The following UBE3D variants were observed in gnomAD, a reference collection of about 807,000 sequenced individuals.
UBE3D encodes the protein ubiquitin protein ligase E3D, also known as E3 ubiquitin-protein ligase E3D.
Under a neutral mutation model 49.6 loss-of-function variants are expected in UBE3D, and 48 were observed. The ratio of observed to expected loss-of-function variants is 0.97; its 90% CI spans 0.77 to 1.23. The LOEUF is 1.23. Among genes scored for constraint, UBE3D ranks in the 50% most tolerant of loss-of-function variants. UBE3D has a pLI of 0.00. For synonymous variants in UBE3D, 189 were observed against 174.2 expected (o/e 1.08, Z -0.67); for missense variants, 452 against 468.4 (o/e 0.96, Z 0.32).
intron 5 of UBE3D, among the ~76,000 whole-genome samples, chr6:83,026,258 A>T (rs1562200674): frequency 6.6e-6 from 1 of 152,032 alleles, no homozygotes. Context: ...ACCATTCTGG[A>T]CAACAAAGTG....
Position 83,035,128 on chromosome 6 carries a change from C to T in UBE3D, c.667+3288G>A, listed in dbSNP as rs190722547. The stretch of plus-strand genomic sequence containing the variant: ...CCCGGGAGGTTGAGGCTGCCATGAG[C>T]CATGATCACACCACTGCACTCCAGC... On this transcript the variant is annotated intron_variant, in intron 5 of 9. Transcript: ENST00000369747. 5.1e-3 allele frequency among the ~76,000 whole-genome samples: 773 copies of T among 151,616 alleles called. 7 individuals carry two copies. Among genetic ancestry groups the T allele is most frequent in the African/African-American group, 0.018 (730 of 41,270 alleles).
At chr6:82,999,343 C>G (rs1779460342) in intron 8 of UBE3D, among the ~76,000 whole-genome samples, 1 of 152,086 alleles carries the variant, frequency 6.6e-6, no homozygotes, top group African/African-American at 2.4e-5. Context: ...GTCATACCTT[C>G]TTTCTCATGT....
intron 8 of UBE3D, among the ~76,000 whole-genome samples, chr6:83,000,907 C>T (rs1056004049): frequency 5.3e-5 from 8 of 150,254 alleles, no homozygotes; most frequent in South Asian, 2.1e-4. Context: ...TGCAATGGGG[C>T]GCTCTCGGCT....
At chr6:82,916,090 A>T (rs1030534296) in intron 9 of UBE3D, among the ~76,000 whole-genome samples, 2 of 152,208 alleles carry the variant, frequency 1.3e-5, no homozygotes, top group African/African-American at 4.8e-5. Context: ...CTTGTCATAT[A>T]TTCATTGACT....
intron 9 of UBE3D, among the ~76,000 whole-genome samples, chr6:82,945,795 T>A (rs188176755): frequency 1.3e-3 from 194 of 152,258 alleles, no homozygotes; most frequent in African/African-American, 4.5e-3. Flanking sequence ...CAGAATGTTA[T>A]CAGATAAATT....
At chr6:82,945,912 G>A (rs1007611303) in intron 9 of UBE3D, among the ~76,000 whole-genome samples, 3 of 152,162 alleles carry the variant, frequency 2.0e-5, no homozygotes, top group Admixed American at 2.0e-4. Flanking sequence ...TAGGAGAATT[G>A]ATTAAGCAGA....
intron 9 of UBE3D, among the ~76,000 whole-genome samples, chr6:82,942,358 T>G (rs1775076592): frequency 6.6e-6 from 1 of 152,140 alleles, no homozygotes; most frequent in African/African-American, 2.4e-5. Context: ...CCTGACAATG[T>G]GATGGAAAAC....
At chr6:82,918,411 TCTAAAGTC>T (rs1296604574) in intron 9 of UBE3D, among the ~76,000 whole-genome samples, 3 of 152,176 alleles carry the variant, frequency 2.0e-5, no homozygotes, top group Non-Finnish European at 4.4e-5. Flanking sequence ...GTACAAGGTT[TCTAAAGTC>T]ATTTTACAAA....
intron 9 of UBE3D, among the ~76,000 whole-genome samples, chr6:82,955,523 T>C (rs1562119011): frequency 1.3e-5 from 2 of 152,246 alleles, no homozygotes; most frequent in Non-Finnish European, 2.9e-5. Context: ...TCTCCCTCCA[T>C]GAACATTTGT....
Position 82,893,055 on chromosome 6 carries a change from GA to G in UBE3D, c.1150-14del. On this transcript the variant is annotated splice_polypyrimidine_tract_variant and intron_variant, in intron 9 of 9. Coordinates refer to ENST00000369747, the MANE Select transcript of UBE3D (RefSeq NM_198920.3). ...TCAAAAAGGCCACCTGGAGAAGGAA[GA>G]AAAACCCACAATGCTTTACTTCTAT... 6.2e-7 allele frequency: 1 copy of G among 1,613,332 alleles called. No homozygotes were observed. The highest frequency in any genetic ancestry group is 8.5e-7 in the Non-Finnish European group (1 of 1,179,704).
chr6:83,045,779 A>T (rs1387966535), intron 3 of UBE3D, among the ~76,000 whole-genome samples: 1 of 152,200 alleles, frequency 6.6e-6, no homozygotes, highest in African/African-American at 2.4e-5. Context: ...TGTCAAAACT[A>T]CACACTTTGA....
intron 3 of UBE3D, among the ~76,000 whole-genome samples, chr6:83,045,109 A>G (rs545313188): frequency 6.6e-6 from 1 of 152,314 alleles, no homozygotes; most frequent in Non-Finnish European, 1.5e-5. Flanking sequence ...TTCATTATCA[A>G]TAACTCTGTG....
intron 9 of UBE3D, chr6:82,938,094 T>C (rs930955043): frequency 6.6e-6 from 1 of 152,194 alleles, no homozygotes; most frequent in South Asian, 2.1e-4. Flanking sequence ...TCTATAACAT[T>C]TAAGGAATAC....
chr6:83,001,601 T>C (rs1164646229), intron 8 of UBE3D, among the ~76,000 whole-genome samples: 1 of 152,186 alleles, frequency 6.6e-6, no homozygotes. Flanking sequence ...CAATATCTTC[T>C]TACAGGCAAT....
intron 9 of UBE3D, among the ~76,000 whole-genome samples, chr6:82,917,957 C>T (rs188012687): frequency 1.4e-4 from 21 of 152,304 alleles, no homozygotes; most frequent in African/African-American, 4.8e-4. Flanking sequence ...TTCTTAAACT[C>T]TACTTCCTTT....
intron 6 of UBE3D, among the ~76,000 whole-genome samples, chr6:83,023,295 T>C (rs986754298): frequency 1.3e-5 from 2 of 152,194 alleles, no homozygotes; most frequent in Non-Finnish European, 2.9e-5. Context: ...ATCTGGCACA[T>C]AGAAATAAGC....
chr6:83,027,490 T>C (rs1037612367), intron 5 of UBE3D, among the ~76,000 whole-genome samples: 3 of 140,032 alleles, frequency 2.1e-5, no homozygotes, highest in African/African-American at 5.3e-5. Context: ...TTAACCTAGA[T>C]TAACCTAGTT....
intron 5 of UBE3D, among the ~76,000 whole-genome samples, chr6:83,029,686 G>A (rs1215233281): frequency 6.6e-6 from 1 of 152,116 alleles, no homozygotes; most frequent in Non-Finnish European, 1.5e-5. Context: ...GCAATATGTT[G>A]TAGCAACTGT....
intron 9 of UBE3D, among the ~76,000 whole-genome samples, chr6:82,927,496 T>A (rs1443841559): frequency 6.6e-6 from 1 of 152,100 alleles, no homozygotes; most frequent in Non-Finnish European, 1.5e-5. Flanking sequence ...TTCCTTTCCA[T>A]GAACACGGAA....
Sources: gnomAD v4.1 joint callset for allele counts (sites outside exome capture counted in the v4.1 genomes callset) on GRCh38, gnomAD v4.1.1 for gene constraint, MANE v1.5 for transcripts, NCBI Gene and HGNC (gene_info 2026-07-23, HGNC 2026-07-21) for gene names.